Variants in SPON1 observed in about 807,000 individuals in gnomAD.
SPON1 encodes the protein spondin 1, also known as spondin-1.
SPON1 carries 52 observed loss-of-function variants against 111.7 expected under a neutral mutation model. The observed-to-expected ratio is 0.47, with a 90% CI of 0.37 to 0.59. SPON1 has a LOEUF of 0.59. Ranked by LOEUF, SPON1 falls within the 20% of genes least tolerant of loss-of-function variation. SPON1 has a pLI of 0.00. For synonymous variants in SPON1, 410 were observed against 395.8 expected (o/e 1.04, Z -0.43); for missense variants, 957 against 1,068.5 (o/e 0.90, Z 1.46).
intron 5 of SPON1, among the ~76,000 whole-genome samples, chr11:14,119,483 C>A (rs1849289075): frequency 6.6e-6 from 1 of 152,188 alleles, no homozygotes; most frequent in Admixed American, 6.5e-5. Flanking sequence ...CACTTGCTTG[C>A]TGGCTAAATT....
intron 10 of SPON1, 33 bp downstream of exon 10, chr11:14,256,725 A>AT (rs1564942925): frequency 6.5e-7 from 1 of 1,536,332 alleles, no homozygotes; most frequent in East Asian, 2.2e-5. Flanking sequence ...AGGTGGCAAC[A>AT]TAAATTGACA....
intron 6 of SPON1, among the ~76,000 whole-genome samples, chr11:14,174,806 A>G (rs1284413494): frequency 1.3e-5 from 2 of 152,202 alleles, no homozygotes; most frequent in African/African-American, 2.4e-5. Context: ...CTTTTAATTA[A>G]GCTGATTTTT....
intron 7 of SPON1, among the ~76,000 whole-genome samples, chr11:14,245,120 A>G (rs1554940112): frequency 6.6e-6 from 1 of 152,188 alleles, no homozygotes; most frequent in African/African-American, 2.4e-5. Context: ...TCAGTGGGAG[A>G]AAAGGCGAAA....
At chr11:14,158,786 T>G (rs1167140831) in intron 6 of SPON1, among the ~76,000 whole-genome samples, 1 of 152,170 alleles carries the variant, frequency 6.6e-6, no homozygotes, top group Non-Finnish European at 1.5e-5. Context: ...ATAAGCTCGC[T>G]TATCAGTGTT....
rs1249097911 is a variant in SPON1 at position 14,157,908 on chromosome 11, A to G, written c.825+22340A>G. On this transcript the variant is annotated intron_variant, in intron 6 of 15. Coordinates refer to ENST00000576479, the MANE Select transcript of SPON1 (RefSeq NM_006108.4). ...GCTAAAATTCTCCATCTAGATTTCT[A>G]TTTCCTTGAACATATTAATTATAGT... Among the ~76,000 whole-genome samples the G allele has an allele frequency of 7.9e-5, 12 of 152,088 alleles. No homozygotes were observed. In the East Asian group the frequency reaches 2.3e-3, roughly 29 times the overall value.
chr11:14,180,957 A>C (rs1848230550), intron 6 of SPON1, among the ~76,000 whole-genome samples: 1 of 152,176 alleles, frequency 6.6e-6, no homozygotes, highest in Admixed American at 6.5e-5. Flanking sequence ...CTGGTGAAAT[A>C]AACTTCCCTT....
intron 3 of SPON1, among the ~76,000 whole-genome samples, chr11:14,055,231 G>C (rs1359668118): frequency 6.6e-6 from 1 of 152,150 alleles, no homozygotes; most frequent in Non-Finnish European, 1.5e-5. Flanking sequence ...TGAGATGAAA[G>C]ACTGCCTTGC....
intron 2 of SPON1, among the ~76,000 whole-genome samples, chr11:13,999,321 A>G (rs1490437105): frequency 6.6e-6 from 1 of 152,084 alleles, no homozygotes; most frequent in Admixed American, 6.5e-5. Flanking sequence ...CCCTTTGGAC[A>G]TTATACTTCT....
At chr11:14,047,450 T>C (rs1554917942) in intron 3 of SPON1, among the ~76,000 whole-genome samples, 1 of 152,154 alleles carries the variant, frequency 6.6e-6, no homozygotes, top group Non-Finnish European at 1.5e-5. Context: ...TACCAGACAT[T>C]GAGAAAGATT....
chr11:14,209,264 A>G (rs1208838508), intron 6 of SPON1, among the ~76,000 whole-genome samples: 1 of 152,148 alleles, frequency 6.6e-6, no homozygotes, highest in Admixed American at 6.6e-5. Flanking sequence ...TTTAAGAAAA[A>G]TAATTTTTTT....
intron 6 of SPON1, among the ~76,000 whole-genome samples, chr11:14,211,327 A>G (rs972011985): frequency 3.9e-5 from 6 of 152,224 alleles, no homozygotes; most frequent in Non-Finnish European, 7.3e-5. Context: ...GCATTCCTGT[A>G]CACCAATAAC....
At chr11:14,230,533 T>C (rs2349296) in intron 6 of SPON1, among the ~76,000 whole-genome samples, 1 of 152,220 alleles carries the variant, frequency 6.6e-6, no homozygotes, top group Non-Finnish European at 1.5e-5. Context: ...AGCTATCTTA[T>C]GAATTCTACC....
chr11:14,070,767 C>G (rs566296073), intron 3 of SPON1, among the ~76,000 whole-genome samples: 107 of 152,148 alleles, frequency 7.0e-4, no homozygotes, highest in Non-Finnish European at 1.1e-3. Flanking sequence ...CAAACTCTAA[C>G]TTCACCCCAA....
chr11:14,246,141 T>C (rs1424750196), intron 7 of SPON1, among the ~76,000 whole-genome samples: 2 of 152,196 alleles, frequency 1.3e-5, no homozygotes, highest in East Asian at 3.9e-4. Flanking sequence ...TTTTACACCA[T>C]TAAGGAGTCT....
chr11:14,036,280 T>C (rs1488883827), intron 2 of SPON1, among the ~76,000 whole-genome samples: 1 of 152,212 alleles, frequency 6.6e-6, no homozygotes, highest in Non-Finnish European at 1.5e-5. Flanking sequence ...CGAGAGAGTA[T>C]ATAAAGACAG....
chr11:14,165,570 G>C (rs1447507534), intron 6 of SPON1, among the ~76,000 whole-genome samples: 1 of 152,164 alleles, frequency 6.6e-6, no homozygotes, highest in African/African-American at 2.4e-5. Flanking sequence ...ACGAGTCCGA[G>C]GATGAGGAGT....
intron 5 of SPON1, among the ~76,000 whole-genome samples, chr11:14,083,459 A>G (rs543930662): frequency 6.6e-6 from 1 of 152,310 alleles, no homozygotes; most frequent in South Asian, 2.1e-4. Context: ...GTTTTTTTAA[A>G]GGTTAATTAC....
chr11:14,018,178 A>G (rs552389724), intron 2 of SPON1, among the ~76,000 whole-genome samples: 3 of 152,278 alleles, frequency 2.0e-5, no homozygotes, highest in African/African-American at 7.2e-5. Flanking sequence ...CAATACATGG[A>G]TATAATCCAT....
chr11:14,028,528 A>T (rs1389341086), intron 2 of SPON1, among the ~76,000 whole-genome samples: 1 of 152,126 alleles, frequency 6.6e-6, no homozygotes, highest in Non-Finnish European at 1.5e-5. Context: ...CTTATTAAAC[A>T]CTAGATATTC....
Sources: gnomAD v4.1 joint callset for allele counts (sites outside exome capture counted in the v4.1 genomes callset) on GRCh38, gnomAD v4.1.1 for gene constraint, MANE v1.5 for transcripts, NCBI Gene and HGNC (gene_info 2026-07-23, HGNC 2026-07-21) for gene names.